YTHDC2: variants seen among roughly 807,000 people sequenced by gnomAD.
YTHDC2 encodes the protein 3'-5' RNA helicase YTHDC2.
YTHDC2 carries 45 observed loss-of-function variants against 174.9 expected under a neutral mutation model. That is an observed-to-expected ratio of 0.26 (90% confidence interval 0.20 to 0.33). The LOEUF (loss-of-function observed/expected upper bound fraction) is 0.33, where lower values mean the gene tolerates loss of function less well. Ranked by LOEUF, YTHDC2 falls within the 10% of genes least tolerant of loss-of-function variation. The pLI, the probability that YTHDC2 is intolerant of heterozygous loss-of-function variation, is 1.00. For missense variants in YTHDC2, 1,650 were observed against 1,723.7 expected, an observed-to-expected ratio of 0.96 and a Z score of 0.76; for synonymous variants, 657 against 574.5, an observed-to-expected ratio of 1.14 and a Z score of -2.05.
chr5:113,581,175 A>G (rs1778382359), intron 24 of YTHDC2: 3 of 354,746 alleles, frequency 8.5e-6, no homozygotes, highest in Non-Finnish European at 1.0e-5. Context: ...ACACTCTGCC[A>G]CAACTATTGT....
chr5:113,553,416 T>C, intron 13 of YTHDC2, 57 bp downstream of exon 13: 2 of 1,502,566 alleles, frequency 1.3e-6, no homozygotes, highest in Non-Finnish European at 1.8e-6. Context: ...AGAATTAATA[T>C]TTTAAGTGTA....
chr5:113,525,631 C>T (rs189969160), intron 3 of YTHDC2, among the ~76,000 whole-genome samples: 25 of 152,182 alleles, frequency 1.6e-4, no homozygotes, highest in African/African-American at 6.0e-4. Flanking sequence ...TGCCATAACA[C>T]ACTAATAAGT....
At chr5:113,575,373 A>G (rs1479892783) in intron 23 of YTHDC2, among the ~76,000 whole-genome samples, 2 of 152,246 alleles carry the variant, frequency 1.3e-5, no homozygotes, top group African/African-American at 4.8e-5. Flanking sequence ...GTGAGGGTAG[A>G]CAGACAGTAA....
At chr5:113,581,793 A>G in intron 25 of YTHDC2, 84 bp downstream of exon 25, 1 of 1,165,330 alleles carries the variant, frequency 8.6e-7, no homozygotes, top group East Asian at 2.9e-5. Flanking sequence ...TGCTTTTATA[A>G]TATTTAAAAA....
chr5:113,589,427 A>ATG (rs1778890656), intron 26 of YTHDC2, among the ~76,000 whole-genome samples: 2 of 143,856 alleles, frequency 1.4e-5, no homozygotes, highest in Non-Finnish European at 3.0e-5. Context: ...ATATATATAT[A>ATG]TATATGTATA....
At position 113,593,065 on chromosome 5, in the gene YTHDC2, A is replaced by C. The variant is rs1246108188; in HGVS notation, c.4213-238A>C. The C allele has an allele frequency of 1.6e-4, 53 of 324,214 alleles. No individual in the cohort carries two copies. The East Asian group carries it at 2.6e-3, about 16-fold the overall frequency. The allele number at this position is 324,214 out of a possible 1,614,324, so 20.1% of individuals were successfully genotyped here. ...CAGGACTCCATGGGAATCTGTTGCC[A>C]TTTTGTCACAAAAGTTGAGAGATTT... is the stretch of plus-strand genomic sequence containing the variant. On this transcript the variant is annotated intron_variant, in intron 28 of 29. Coordinates refer to ENST00000161863, the MANE Select transcript of YTHDC2 (RefSeq NM_022828.5).
intron 26 of YTHDC2, among the ~76,000 whole-genome samples, chr5:113,584,802 G>A (rs765934612): frequency 2.1e-5 from 3 of 142,904 alleles, no homozygotes; most frequent in Non-Finnish European, 3.0e-5. Flanking sequence ...TTTGAGGTGG[G>A]GTCCCACTCT....
intron 2 of YTHDC2, among the ~76,000 whole-genome samples, chr5:113,518,059 T>G (rs1773593645): frequency 6.6e-6 from 1 of 152,014 alleles, no homozygotes; most frequent in Non-Finnish European, 1.5e-5. Context: ...CGGCTAATTT[T>G]TTGTATTTTC....
chr5:113,555,757 A>G (rs942176113), intron 16 of YTHDC2, among the ~76,000 whole-genome samples: 4 of 152,194 alleles, frequency 2.6e-5, no homozygotes, highest in African/African-American at 9.6e-5. Context: ...TTGATGTCTT[A>G]TGAGAACTGG....
intron 26 of YTHDC2, among the ~76,000 whole-genome samples, chr5:113,588,075 A>G (rs1057327914): frequency 6.6e-6 from 1 of 152,068 alleles, no homozygotes; most frequent in African/African-American, 2.4e-5. Flanking sequence ...TACATTTGAT[A>G]TTTGTATATC....
chr5:113,573,119 T>C (rs981291589), intron 23 of YTHDC2, among the ~76,000 whole-genome samples: 67 of 152,288 alleles, frequency 4.4e-4, no homozygotes, highest in African/African-American at 1.3e-3. Flanking sequence ...TTTTTCCCTT[T>C]CATATTTAGT....
intron 26 of YTHDC2, among the ~76,000 whole-genome samples, chr5:113,589,409 A>AT (rs1491455797): frequency 4.5e-5 from 4 of 89,120 alleles, no homozygotes; most frequent in Non-Finnish European, 9.3e-5. Context: ...AAAAAAAAAA[A>AT]TATATATATA....
intron 16 of YTHDC2, among the ~76,000 whole-genome samples, 154 bp downstream of exon 16, chr5:113,554,176 G>A (rs1277859828): frequency 3.3e-5 from 5 of 151,848 alleles, no homozygotes; most frequent in African/African-American, 9.7e-5. Flanking sequence ...CAGAATTTAC[G>A]AAAAATGTCT....
At chr5:113,526,822 AAAAAATAT>A (rs747293387) in intron 4 of YTHDC2, 37 bp downstream of exon 4, 31 of 351,896 alleles carry the variant, frequency 8.8e-5, no homozygotes, top group African/African-American at 5.6e-4. Flanking sequence ...AAAAAAAAAA[AAAAAATAT>A]ATATATATAT....
chr5:113,534,470 C>T lies in YTHDC2; in HGVS notation c.945+63C>T, dbSNP rs140168388. On this transcript the variant is annotated intron_variant, in intron 6 of 29. Coordinates refer to ENST00000161863, the MANE Select transcript of YTHDC2 (RefSeq NM_022828.5). ...TTGCTTAAAATTTAAATACATATGC[C>T]GTTTCAGGATAGTCTCAAAAAATTT... 1.8e-5 allele frequency: 26 copies of T among 1,429,212 alleles called. No homozygotes were observed. The Admixed American group carries it at 2.4e-4, about 13-fold the overall frequency. The allele number at this position is 1,429,212 out of a possible 1,614,324, so 88.5% of individuals were successfully genotyped here.
At chr5:113,521,071 T>C (rs1773831040) in intron 2 of YTHDC2, among the ~76,000 whole-genome samples, 1 of 152,230 alleles carries the variant, frequency 6.6e-6, no homozygotes, top group African/African-American at 2.4e-5. Context: ...GCTCCATCTG[T>C]GTTCCTGCAA....
chr5:113,555,947 C>T (rs1776576686), intron 16 of YTHDC2, 105 bp from the exon 17 acceptor site: 1 of 612,556 alleles, frequency 1.6e-6, no homozygotes, highest in Admixed American at 3.0e-5. Context: ...CAAGAGAGGA[C>T]TTTGAATTAA....
chr5:113,589,395 TAAAAAAAAA>T (rs1156968093), intron 26 of YTHDC2, among the ~76,000 whole-genome samples: 1 of 114,488 alleles, frequency 8.7e-6, no homozygotes, highest in African/African-American at 3.7e-5. Flanking sequence ...TTTTAAAAAT[TAAAAAAAAA>T]AAAAATATAT....
chr5:113,519,826 C>T (rs1773740025), intron 2 of YTHDC2, among the ~76,000 whole-genome samples: 1 of 152,178 alleles, frequency 6.6e-6, no homozygotes, highest in Non-Finnish European at 1.5e-5. Flanking sequence ...GAAATTTACT[C>T]ACACAAATGC....
Sources: gnomAD v4.1 joint callset for allele counts (sites outside exome capture counted in the v4.1 genomes callset) on GRCh38, gnomAD v4.1.1 for gene constraint, MANE v1.5 for transcripts, NCBI Gene and HGNC (gene_info 2026-07-23, HGNC 2026-07-21) for gene names.